STK33: variants seen among roughly 807,000 people sequenced by gnomAD.
STK33 encodes the protein serine/threonine kinase 33, also known as serine/threonine-protein kinase 33.
STK33 carries 52 observed loss-of-function variants against 58.0 expected under a neutral mutation model. That is an observed-to-expected ratio of 0.90 (90% CI 0.72 to 1.13). The LOEUF (loss-of-function observed/expected upper bound fraction) is 1.13, where lower values mean the gene tolerates loss of function less well. STK33 is among the 50% of genes most tolerant of loss of function. The pLI, the probability that STK33 is intolerant of heterozygous loss-of-function variation, is 0.00. For missense variants in STK33, 630 were observed against 604.2 expected (o/e 1.04, Z -0.45); for synonymous variants, 215 against 200.1 (o/e 1.07, Z -0.63).
At chr11:8,413,881 T>A (rs1222815111) in intron 14 of STK33, among the ~76,000 whole-genome samples, 189 bp from the exon 15 acceptor site, 4 of 152,192 alleles carry the variant, frequency 2.6e-5, no homozygotes, top group African/African-American at 9.6e-5. Flanking sequence ...CTCACATCCC[T>A]TGCATGATAT....
At chr11:8,518,006 C>A (rs1347959732) in intron 1 of STK33, among the ~76,000 whole-genome samples, 1 of 152,060 alleles carries the variant, frequency 6.6e-6, no homozygotes, top group Non-Finnish European at 1.5e-5. Context: ...TAAAGATACT[C>A]CTTGAGAAGA....
intron 11 of STK33, among the ~76,000 whole-genome samples, chr11:8,449,184 G>A (rs1202142255): frequency 6.6e-6 from 1 of 151,576 alleles, no homozygotes; most frequent in Non-Finnish European, 1.5e-5. Context: ...CACTGTTGGT[G>A]GGACTGTAAA....
intron 1 of STK33, among the ~76,000 whole-genome samples, chr11:8,518,523 C>T (rs147201566): frequency 0.17 from 25,837 of 152,126 alleles, 2,644 homozygotes; most frequent in South Asian, 0.31. Context: ...GGGCTAAATG[C>T]CCCAATTGAA....
intron 10 of STK33, among the ~76,000 whole-genome samples, chr11:8,453,391 T>C (rs988149856): frequency 6.6e-6 from 1 of 152,224 alleles, no homozygotes; most frequent in Non-Finnish European, 1.5e-5. Flanking sequence ...TTTTTTATAA[T>C]TATTTATAAT....
intron 1 of STK33, among the ~76,000 whole-genome samples, chr11:8,527,114 C>G (rs1023507137): frequency 1.3e-5 from 2 of 151,286 alleles, no homozygotes; most frequent in Non-Finnish European, 2.9e-5. Context: ...GTGCCCGCCA[C>G]AATGCCCAGC....
chr11:8,462,597 G>A (rs1344273676), intron 7 of STK33, among the ~76,000 whole-genome samples: 1 of 151,892 alleles, frequency 6.6e-6, no homozygotes, highest in Non-Finnish European at 1.5e-5. Context: ...CGGAAAGAGA[G>A]AGAGACAGAC....
chr11:8,507,632 G>A (rs1004171971), intron 1 of STK33, among the ~76,000 whole-genome samples: 1 of 152,094 alleles, frequency 6.6e-6, no homozygotes, highest in African/African-American at 2.4e-5. Flanking sequence ...GGATGGGGGG[G>A]TACACTTAAA....
intron 1 of STK33, among the ~76,000 whole-genome samples, chr11:8,511,435 T>C (rs1952314547): frequency 1.3e-5 from 2 of 152,158 alleles, no homozygotes. Context: ...AGTGACAGTT[T>C]GACTTTCTCT....
At chr11:8,474,540 C>T (rs773577476) in intron 5 of STK33, 141 bp downstream of exon 5, 5 of 606,916 alleles carry the variant, frequency 8.2e-6, no homozygotes, top group African/African-American at 1.9e-5. Context: ...TTACTCACCT[C>T]TTCTGTGAGA....
At chr11:8,455,341 T>C (rs953884047) in intron 9 of STK33, among the ~76,000 whole-genome samples, 1 of 152,200 alleles carries the variant, frequency 6.6e-6, no homozygotes, top group Non-Finnish European at 1.5e-5. Context: ...CTACTCTTTA[T>C]GTAGTAAAAT....
chr11:8,442,134 G>C (rs1181669759), intron 11 of STK33, among the ~76,000 whole-genome samples: 1 of 151,856 alleles, frequency 6.6e-6, no homozygotes, highest in African/African-American at 2.4e-5. Flanking sequence ...GTGTTAAAGA[G>C]ATGAAAGGCA....
chr11:8,496,025 C>A (rs1444806032), intron 1 of STK33, among the ~76,000 whole-genome samples: 1 of 151,858 alleles, frequency 6.6e-6, no homozygotes, highest in Non-Finnish European at 1.5e-5. Context: ...TGCAGCAAAC[C>A]AACATGGTTC....
the STK33 span, among the ~76,000 whole-genome samples, chr11:8,341,221 C>T: frequency 2.0e-5 from 3 of 152,220 alleles, no homozygotes; most frequent in African/African-American, 7.2e-5. Context: ...GCAAAGTACC[C>T]CTGCCTTTGG....
intron 1 of STK33, among the ~76,000 whole-genome samples, chr11:8,545,855 A>C (rs72853474): frequency 0.011 from 1,656 of 152,338 alleles, 15 homozygotes; most frequent in Middle Eastern, 0.041. Flanking sequence ...AATACATTTG[A>C]GAACTGTGTC....
rs144676999 is a variant in STK33 at position 8,488,055 on chromosome 11, G to A, written c.-465-7441C>T. Among the ~76,000 whole-genome samples the A allele has an allele frequency of 5.5e-4, 83 of 152,258 alleles. 1 individual carries two copies. The highest frequency in any genetic ancestry group is 1.9e-3 in the African/African-American group (79 of 41,546). On this transcript the variant is annotated intron_variant, in intron 1 of 15. Transcript: ENST00000687296. ...CAGCTACTGGAGAAAGGAAAATGGA[G>A]CTAGGGCTCTTTCAAATGTTCATTC...
At chr11:8,468,411 G>A (rs949004847) in intron 6 of STK33, among the ~76,000 whole-genome samples, 4 of 152,086 alleles carry the variant, frequency 2.6e-5, no homozygotes, top group Admixed American at 6.5e-5. Context: ...GCTTGTCTTC[G>A]TATTTTCTAA....
At chr11:8,451,588 C>T (rs1414980350) in intron 11 of STK33, among the ~76,000 whole-genome samples, 2 of 152,120 alleles carry the variant, frequency 1.3e-5, no homozygotes, top group East Asian at 3.9e-4. Flanking sequence ...AGATTAGTGG[C>T]TACCTGGGAC....
At chr11:8,384,337 G>T in the STK33 span, among the ~76,000 whole-genome samples, 2 of 152,218 alleles carry the variant, frequency 1.3e-5, no homozygotes, top group African/African-American at 2.4e-5. Flanking sequence ...GGGCACCATG[G>T]TCTTGCGGTA....
At chr11:8,343,791 C>T in the STK33 span, among the ~76,000 whole-genome samples, 2 of 152,168 alleles carry the variant, frequency 1.3e-5, no homozygotes, top group Non-Finnish European at 2.9e-5. Flanking sequence ...CCTCTGGTGG[C>T]TCCTTAGCCC....
Sources: gnomAD v4.1 joint callset for allele counts (sites outside exome capture counted in the v4.1 genomes callset) on GRCh38, gnomAD v4.1.1 for gene constraint, MANE v1.5 for transcripts, NCBI Gene and HGNC (gene_info 2026-07-23, HGNC 2026-07-21) for gene names.